CACNA2D3: variants seen among roughly 807,000 people sequenced by gnomAD.
CACNA2D3 encodes the protein voltage-dependent calcium channel subunit alpha-2/delta-3.
Under a neutral mutation model 160.6 loss-of-function variants are expected in CACNA2D3, and 60 were observed. That is an observed-to-expected ratio of 0.37 (90% confidence interval 0.30 to 0.46). The LOEUF (loss-of-function observed/expected upper bound fraction) is 0.46, where lower values mean the gene tolerates loss of function less well. Among genes scored for constraint, CACNA2D3 ranks in the 20% least tolerant of loss-of-function variants. The probability of loss-of-function intolerance (pLI) is 1.00; values close to 1 mark genes in which losing one functional copy is unlikely to be tolerated. For missense variants in CACNA2D3, 1,205 were observed against 1,365.0 expected (o/e 0.88, Z 1.85); for synonymous variants, 558 against 492.9 (o/e 1.13, Z -1.75).
intron 4 of CACNA2D3, among the ~76,000 whole-genome samples, chr3:54,472,367 C>T (rs979640206): frequency 1.3e-5 from 2 of 152,170 alleles, no homozygotes; most frequent in African/African-American, 2.4e-5. Flanking sequence ...TAAAAACTTT[C>T]AATAAACTAG....
intron 2 of CACNA2D3, among the ~76,000 whole-genome samples, chr3:54,219,041 T>C (rs541179241): frequency 7.0e-4 from 107 of 152,322 alleles, no homozygotes; most frequent in African/African-American, 2.4e-3. Flanking sequence ...ATGGACATCT[T>C]TGGGGGTATA....
At chr3:54,288,012 A>T (rs1703078122) in intron 2 of CACNA2D3, among the ~76,000 whole-genome samples, 1 of 152,026 alleles carries the variant, frequency 6.6e-6, no homozygotes, top group African/African-American at 2.4e-5. Context: ...TCACAAAAGA[A>T]CTAGAAAAGC....
At chr3:54,681,511 G>T (rs75147039) in intron 11 of CACNA2D3, among the ~76,000 whole-genome samples, 9 of 145,040 alleles carry the variant, frequency 6.2e-5, no homozygotes, top group South Asian at 2.2e-4. Flanking sequence ...GGCCAAGATC[G>T]CATTCACTGC....
intron 9 of CACNA2D3, among the ~76,000 whole-genome samples, chr3:54,605,960 A>G (rs527820297): frequency 6.6e-6 from 1 of 152,324 alleles, no homozygotes; most frequent in African/African-American, 2.4e-5. Flanking sequence ...CTCCTTTACT[A>G]GTAGAATAAA....
chr3:54,931,510 CAA>C (rs1210098542), intron 27 of CACNA2D3, among the ~76,000 whole-genome samples: 1 of 152,042 alleles, frequency 6.6e-6, no homozygotes, highest in African/African-American at 2.4e-5. Flanking sequence ...GCCATGCTTG[CAA>C]AAAGAGGAAC....
intron 11 of CACNA2D3, among the ~76,000 whole-genome samples, chr3:54,671,864 C>T (rs143034109): frequency 1.8e-4 from 27 of 152,260 alleles, no homozygotes; most frequent in African/African-American, 6.5e-4. Context: ...AGTAATTGAC[C>T]ACAAGTGGGT....
At chr3:54,413,876 CCTTT>C (rs1699712074) in intron 4 of CACNA2D3, among the ~76,000 whole-genome samples, 2 of 146,006 alleles carry the variant, frequency 1.4e-5, no homozygotes, top group Non-Finnish European at 3.0e-5. Flanking sequence ...CCATCTGGTT[CCTTT>C]CTGTTTCTTT....
intron 2 of CACNA2D3, among the ~76,000 whole-genome samples, chr3:54,262,341 G>T (rs554602033): frequency 1.2e-4 from 19 of 152,256 alleles, no homozygotes; most frequent in Admixed American, 7.8e-4. Context: ...TTGAGGCACA[G>T]AGAGTTCCCC....
intron 11 of CACNA2D3, among the ~76,000 whole-genome samples, chr3:54,668,090 A>G (rs1448461852): frequency 6.6e-6 from 1 of 152,208 alleles, no homozygotes; most frequent in Non-Finnish European, 1.5e-5. Context: ...TTTAAGAAAA[A>G]CTATTTTAAG....
chr3:54,146,665 C>T (rs935615048), intron 2 of CACNA2D3, among the ~76,000 whole-genome samples: 1 of 152,218 alleles, frequency 6.6e-6, no homozygotes, highest in African/African-American at 2.4e-5. Flanking sequence ...CAGCAGGGCC[C>T]ATGGAAGCTA....
At chr3:54,804,877 A>G (rs1447479621) in intron 13 of CACNA2D3, among the ~76,000 whole-genome samples, 1 of 152,236 alleles carries the variant, frequency 6.6e-6, no homozygotes. Flanking sequence ...CAATCAAACT[A>G]GAACTCAGGA....
chr3:54,430,718 T>TA lies in CACNA2D3; in HGVS notation c.381+43947dup, dbSNP rs1157935226. Among the ~76,000 whole-genome samples the TA allele has an allele frequency of 2.0e-5, 3 of 152,308 alleles. No individual in the cohort carries two copies. In the East Asian group the frequency reaches 5.8e-4, roughly 29 times the overall value. Reference sequence around the variant, plus strand: ...GACTTTTAGACTACAGTTAATGCCTTAAATATATGAAGATTCTGTCATTGG... The same window carrying TA: ...GACTTTTAGACTACAGTTAATGCCTTAAAATATATGAAGATTCTGTCATTGG... On this transcript the variant is annotated intron_variant, in intron 4 of 37. Transcript: ENST00000474759.
At chr3:54,615,105 A>G (rs1698822670) in intron 9 of CACNA2D3, among the ~76,000 whole-genome samples, 1 of 152,230 alleles carries the variant, frequency 6.6e-6, no homozygotes, top group African/African-American at 2.4e-5. Flanking sequence ...ACAGTGCAAA[A>G]GAGGAAGCAC....
intron 5 of CACNA2D3, among the ~76,000 whole-genome samples, chr3:54,550,626 G>A (rs1057458416): frequency 5.3e-5 from 8 of 152,230 alleles, no homozygotes; most frequent in Non-Finnish European, 1.0e-4. Context: ...GTTTTAGTCT[G>A]CAAATCTATG....
intron 17 of CACNA2D3, among the ~76,000 whole-genome samples, chr3:54,860,173 A>G (rs1699260968): frequency 6.6e-6 from 1 of 152,176 alleles, no homozygotes; most frequent in African/African-American, 2.4e-5. Context: ...GGAATGGGAA[A>G]TAGAAACAGA....
rs142241133 is a variant in CACNA2D3, at chr3:54,864,162, AG to A, written c.1627-7374del. Among the ~76,000 whole-genome samples the A allele has an allele frequency of 6.5e-3, 990 of 152,284 alleles. 14 individuals are homozygous for A. Among genetic ancestry groups the A allele is most frequent in the African/African-American group, 0.023 (949 of 41,546 alleles). The stretch of plus-strand genomic sequence containing the variant: ...TGAAATGATATCCTCCCATACCACA[AG>A]GGTTCCCTGAGGCCCTGAGATGGAT... On this transcript the variant is annotated intron_variant, in intron 17 of 37. Transcript: ENST00000474759.
intron 3 of CACNA2D3, among the ~76,000 whole-genome samples, chr3:54,348,738 TA>T (rs1485168203): frequency 1.3e-5 from 2 of 152,234 alleles, no homozygotes; most frequent in Non-Finnish European, 2.9e-5. Context: ...TTTTTATTTT[TA>T]TTTTTTTGAG....
At chr3:54,749,569 C>T (rs1400055531) in intron 11 of CACNA2D3, among the ~76,000 whole-genome samples, 1 of 151,958 alleles carries the variant, frequency 6.6e-6, no homozygotes, top group Admixed American at 6.5e-5. Context: ...GAAAAAAAAA[C>T]CTGCAAATAT....
At chr3:54,970,186 A>G (rs1388976995) in intron 29 of CACNA2D3, among the ~76,000 whole-genome samples, 2 of 152,008 alleles carry the variant, frequency 1.3e-5, no homozygotes, top group African/African-American at 2.4e-5. Flanking sequence ...ATCTCTTTCC[A>G]TCCTTGCAAC....
Sources: gnomAD v4.1 joint callset for allele counts (sites outside exome capture counted in the v4.1 genomes callset) on GRCh38, gnomAD v4.1.1 for gene constraint, MANE v1.5 for transcripts, NCBI Gene and HGNC (gene_info 2026-07-23, HGNC 2026-07-21) for gene names.